Variants in RAB3IP observed in about 807,000 individuals in gnomAD.
RAB3IP encodes the protein rab-3A-interacting protein.
A neutral mutation model predicts 59.1 loss-of-function variants in RAB3IP; 36 were observed. The observed-to-expected ratio is 0.61, with a 90% CI of 0.47 to 0.80. The LOEUF is 0.80. Ranked by LOEUF, RAB3IP falls within the 30% of genes least tolerant of loss-of-function variation. The probability of loss-of-function intolerance (pLI) is 0.00; values close to 1 mark genes in which losing one functional copy is unlikely to be tolerated. For missense variants in RAB3IP, 511 were observed against 536.0 expected (o/e 0.95, Z 0.46); for synonymous variants, 207 against 191.2 (o/e 1.08, Z -0.68).
intron 3 of RAB3IP, among the ~76,000 whole-genome samples, chr12:69,758,466 C>T (rs564284713): frequency 6.6e-6 from 1 of 152,074 alleles, no homozygotes; most frequent in East Asian, 1.9e-4. Context: ...ATCTTTGTTG[C>T]TTTAGCGTTT....
intron 5 of RAB3IP, 95 bp downstream of exon 5, chr12:69,794,609 G>A (rs1877156657): frequency 1.1e-6 from 1 of 916,288 alleles, no homozygotes; most frequent in African/African-American, 1.7e-5. Context: ...TGATCGTAAA[G>A]TAGTGCTTGT....
chr12:69,803,481 GTTT>G (rs1045277482), intron 8 of RAB3IP, among the ~76,000 whole-genome samples: 1 of 148,770 alleles, frequency 6.7e-6, no homozygotes, highest in Non-Finnish European at 1.5e-5. Flanking sequence ...TTTGGTTTAA[GTTT>G]TTTTTTTAAT....
intron 8 of RAB3IP, among the ~76,000 whole-genome samples, chr12:69,803,288 G>C (rs1205343732): frequency 6.6e-6 from 1 of 152,010 alleles, no homozygotes; most frequent in Non-Finnish European, 1.5e-5. Flanking sequence ...GATGCATATC[G>C]TGGAAAAAAC....
At chr12:69,808,018 G>T (rs1196829820) in intron 8 of RAB3IP, among the ~76,000 whole-genome samples, 1 of 152,218 alleles carries the variant, frequency 6.6e-6, no homozygotes, top group East Asian at 1.9e-4. Flanking sequence ...GCTTTCTCTT[G>T]TGGGCATTTA....
rs77848285 is a variant in RAB3IP, at chr12:69,795,285, A to G, written c.829A>G (p.Met277Val). Residue 277 changes from methionine to valine, a missense_variant, in exon 6 of 11, where the codon ATG becomes GTG. Met to Val is a conservative substitution (Grantham distance 21). Transcript: ENST00000247833. ...AAGAAATAAAAGCACAAGCAGTGCT[A>G]TGAGTGGCAGTCATCAGGACCTCAG... ...HTRNKSTSSA[M>V]SGSHQDLSVI... 2 of 1,614,116 alleles carry G rather than the reference A, an allele frequency of 1.2e-6. No individual in the cohort carries two copies. The highest frequency in any genetic ancestry group is 1.7e-6 in the Non-Finnish European group (2 of 1,179,972).
intron 3 of RAB3IP, among the ~76,000 whole-genome samples, chr12:69,783,118 C>T (rs542477435): frequency 2.6e-5 from 4 of 152,098 alleles, no homozygotes; most frequent in Admixed American, 2.0e-4. Context: ...ATTTTTGTTT[C>T]CCATGTTTAA....
intron 8 of RAB3IP, among the ~76,000 whole-genome samples, chr12:69,805,662 A>G (rs1334997630): frequency 6.6e-6 from 1 of 151,798 alleles, no homozygotes; most frequent in Non-Finnish European, 1.5e-5. Flanking sequence ...TTATTTTGAA[A>G]TACGTCCCAT....
chr12:69,768,349 G>A lies in RAB3IP; in HGVS notation c.510+11686G>A, dbSNP rs145684055. On this transcript the variant is annotated intron_variant, in intron 3 of 10. Coordinates refer to ENST00000247833, the MANE Select transcript of RAB3IP (RefSeq NM_022456.5). ...CTGGAGATCTGCCTGGATATGGAGT[G>A]GAGAGAGCTCTGCTGCACCACAATC... Among the ~76,000 whole-genome samples, 102 of 152,280 alleles carry A rather than the reference G, an allele frequency of 6.7e-4. 1 individual carries two copies. Among genetic ancestry groups the A allele is most frequent in the African/African-American group, 2.3e-3 (97 of 41,552 alleles).
intron 3 of RAB3IP, among the ~76,000 whole-genome samples, chr12:69,757,126 C>A (rs1452472274): frequency 6.6e-6 from 1 of 152,154 alleles, no homozygotes; most frequent in Non-Finnish European, 1.5e-5. Context: ...CCCATTTGGT[C>A]ATTTTAAAAG....
chr12:69,784,250 T>C (rs1420918917), intron 3 of RAB3IP, among the ~76,000 whole-genome samples: 1 of 152,092 alleles, frequency 6.6e-6, no homozygotes. Flanking sequence ...AGTCTCCTAA[T>C]AGATATTTTA....
chr12:69,813,994 A>AATGCCT (rs1482857351), intron 10 of RAB3IP, among the ~76,000 whole-genome samples: 3 of 152,196 alleles, frequency 2.0e-5, no homozygotes, highest in African/African-American at 7.2e-5. Context: ...CATTAGAGAT[A>AATGCCT]AAACCTGTTA....
intron 3 of RAB3IP, among the ~76,000 whole-genome samples, chr12:69,767,278 T>C (rs1341922133): frequency 1.3e-5 from 2 of 152,208 alleles, no homozygotes; most frequent in African/African-American, 2.4e-5. Flanking sequence ...AGGTTTTATA[T>C]TGGGCTGTGC....
chr12:69,807,742 C>T (rs1363669207), intron 8 of RAB3IP, among the ~76,000 whole-genome samples: 1 of 146,922 alleles, frequency 6.8e-6, no homozygotes, highest in Non-Finnish European at 1.5e-5. Flanking sequence ...CAGAGGTGCT[C>T]ACTTCCCAGA....
chr12:69,795,246 A>C lies in RAB3IP; in HGVS notation c.790A>C (p.Lys264Gln). ...EPLPGGKTPF[K>Q]KGHTRNKSTS... Reference sequence around the variant, plus strand: ...TTTGCCAGGTGGAAAGACACCTTTTAAAAAGGGGCATACAAGAAATAAAAG... The same window carrying C: ...TTTGCCAGGTGGAAAGACACCTTTTCAAAAGGGGCATACAAGAAATAAAAG... The change falls in exon 6 of 11, where the codon AAA (lysine) becomes CAA (glutamine). Residue 264 changes from lysine to glutamine, a missense_variant. Transcript: ENST00000247833. The C allele has an allele frequency of 1.9e-6, 3 of 1,614,054 alleles. No homozygotes were observed. The highest frequency in any genetic ancestry group is 2.5e-6 in the Non-Finnish European group (3 of 1,179,934).
At chr12:69,755,986 AT>A (rs892524713) in intron 2 of RAB3IP, among the ~76,000 whole-genome samples, 3 of 152,244 alleles carry the variant, frequency 2.0e-5, no homozygotes, top group Admixed American at 6.5e-5. Context: ...TGGATGCAGA[AT>A]TTTGAATTTC....
rs1028407998 is a variant in RAB3IP at position 69,815,887 on chromosome 12, G to A, written c.*441G>A. 6.5e-6 allele frequency: 1 copy of A among 152,680 alleles called. No homozygotes were observed. The highest frequency in any genetic ancestry group is 6.6e-5 in the Admixed American group (1 of 15,260). The allele number at this position is 152,680 out of a possible 1,614,324, so 9.5% of individuals were successfully genotyped here. A position where few individuals can be genotyped will look rare whatever the true frequency, so the allele number is the denominator to read the frequency against. On this transcript the variant is annotated 3_prime_UTR_variant, in exon 11 of 11. Coordinates refer to ENST00000247833, the MANE Select transcript of RAB3IP (RefSeq NM_022456.5). ...TTTCCAAGGCCCCCACCTCTAGAAT[G>A]GCTTTATTTTTATCTGTTTTCTATA...
chr12:69,765,287 CTCTTAT>C (rs2136156522), intron 3 of RAB3IP, among the ~76,000 whole-genome samples: 1 of 152,116 alleles, frequency 6.6e-6, no homozygotes, highest in East Asian at 1.9e-4. Context: ...TCATAGATGG[CTCTTAT>C]TATTTTGAGG....
Position 69,822,255 on chromosome 12 carries a change from C to T in RAB3IP, c.*6809C>T, listed in dbSNP as rs1881826571. On this transcript the variant is annotated 3_prime_UTR_variant, in exon 11 of 11. Transcript: ENST00000247833. ...CCCTACATCCAGCCAGTAACCATTG[C>T]TTTGTTTTACATCGCGTGCTTCAGG... 1 of 152,124 alleles carries T rather than the reference C, an allele frequency of 6.6e-6. No individual in the cohort carries two copies. Among genetic ancestry groups the T allele is most frequent in the Non-Finnish European group, 1.5e-5 (1 of 68,026 alleles). The allele number at this position is 152,124 out of a possible 1,614,324, so 9.4% of individuals were successfully genotyped here. A position where few individuals can be genotyped will look rare whatever the true frequency, so the allele number is the denominator to read the frequency against.
chr12:69,752,492 T>C (rs920893869), intron 1 of RAB3IP, among the ~76,000 whole-genome samples: 3 of 152,176 alleles, frequency 2.0e-5, no homozygotes, highest in African/African-American at 7.2e-5. Flanking sequence ...GTACCCTGGT[T>C]CATTGAATCA....
Sources: allele counts gnomAD v4.1 joint callset (sites outside exome capture counted in the v4.1 genomes callset), GRCh38; gene constraint gnomAD v4.1.1; transcripts MANE v1.5; gene names NCBI Gene and HGNC (gene_info 2026-07-23, HGNC 2026-07-21).